KCNK10: variants seen among roughly 807,000 people sequenced by gnomAD.
KCNK10 encodes the protein potassium channel subfamily K member 10.
A neutral mutation model predicts 47.7 loss-of-function variants in KCNK10; 25 were observed. The ratio of observed to expected loss-of-function variants is 0.52; its 90% CI spans 0.38 to 0.73. The LOEUF is 0.73. KCNK10 is among the 30% of genes least tolerant of loss of function. The probability of loss-of-function intolerance (pLI) is 0.00; values close to 1 mark genes in which losing one functional copy is unlikely to be tolerated. For missense variants in KCNK10, 563 were observed against 714.5 expected (o/e 0.79, Z 2.42); for synonymous variants, 303 against 285.6 (o/e 1.06, Z -0.61).
At chr14:88,326,190 C>CCCCCG (rs79450402), upstream of KCNK10, among the ~76,000 whole-genome samples, 75 of 134,220 alleles carry the variant, frequency 5.6e-4, no homozygotes, top group East Asian at 4.8e-3. Flanking sequence ...CGCCCCCCCC[C>CCCCCG]AAAAAAAAAT....
intron 1 of KCNK10, among the ~76,000 whole-genome samples, chr14:88,279,054 G>A (rs892345154): frequency 6.6e-6 from 1 of 152,168 alleles, no homozygotes; most frequent in Non-Finnish European, 1.5e-5. Context: ...AACCTCCCAT[G>A]AGGCCCATTT....
At position 88,184,770 on chromosome 14, in the gene KCNK10, T is replaced by A. The variant is rs764445359; in HGVS notation, c.*765A>T. On this transcript the variant is annotated 3_prime_UTR_variant, in exon 7 of 7. Transcript: ENST00000319231. The stretch of plus-strand genomic sequence containing the variant: ...GATTGGCCTTTAACCACGCAGCAGT[T>A]GATGTCATGTTTTCACCACTGCTCG... 6.6e-6 allele frequency: 1 copy of A among 152,344 alleles called. No homozygotes were observed. Among genetic ancestry groups the A allele is most frequent in the Non-Finnish European group, 1.5e-5 (1 of 68,046 alleles). The allele number at this position is 152,344 out of a possible 1,614,324, so 9.4% of individuals were successfully genotyped here.
At chr14:88,232,875 C>T (rs1184308495) in intron 3 of KCNK10, among the ~76,000 whole-genome samples, 1 of 152,200 alleles carries the variant, frequency 6.6e-6, no homozygotes, top group Non-Finnish European at 1.5e-5. Flanking sequence ...AGTGTCCTGC[C>T]TCCCACCACA....
chr14:88,230,487 T>G (rs1234010692), intron 3 of KCNK10, among the ~76,000 whole-genome samples: 1 of 152,184 alleles, frequency 6.6e-6, no homozygotes, highest in Non-Finnish European at 1.5e-5. Flanking sequence ...GCCTGAGGAG[T>G]GCACACAAAG....
At chr14:88,209,501 G>A (rs983203176) in intron 4 of KCNK10, among the ~76,000 whole-genome samples, 10 of 152,250 alleles carry the variant, frequency 6.6e-5, no homozygotes, top group South Asian at 2.1e-4. Flanking sequence ...AGGAGCCGAC[G>A]AACCTGCCGT....
intron 1 of KCNK10, among the ~76,000 whole-genome samples, chr14:88,271,653 C>G (rs1211047304): frequency 2.0e-5 from 3 of 152,152 alleles, no homozygotes; most frequent in African/African-American, 4.8e-5. Flanking sequence ...ATGAGTCACA[C>G]TTGGTGAGTC....
chr14:88,239,001 TGGCACC>T (rs1335256042), intron 3 of KCNK10, among the ~76,000 whole-genome samples: 1 of 152,110 alleles, frequency 6.6e-6, no homozygotes, highest in Non-Finnish European at 1.5e-5. Context: ...GCATGGTTGG[TGGCACC>T]CCAAAACAAT....
At chr14:88,304,697 A>G (rs755063383) in intron 1 of KCNK10, among the ~76,000 whole-genome samples, 1 of 152,192 alleles carries the variant, frequency 6.6e-6, no homozygotes, top group Admixed American at 6.5e-5. Context: ...ATCACCCCCA[A>G]GTGCAATGCT....
chr14:88,304,346 T>C (rs191279069), intron 1 of KCNK10, among the ~76,000 whole-genome samples: 2 of 152,234 alleles, frequency 1.3e-5, no homozygotes, highest in East Asian at 3.9e-4. Flanking sequence ...ATAAAAATAC[T>C]GAATTGAAGT....
At chr14:88,242,907 A>G (rs1886523035) in intron 2 of KCNK10, among the ~76,000 whole-genome samples, 1 of 152,216 alleles carries the variant, frequency 6.6e-6, no homozygotes. Flanking sequence ...AAATCATACC[A>G]TCAGTACCTA....
At chr14:88,196,241 G>C (rs945581868) in intron 4 of KCNK10, among the ~76,000 whole-genome samples, 6 of 152,188 alleles carry the variant, frequency 3.9e-5, no homozygotes, top group African/African-American at 1.4e-4. Context: ...AGTTCATTTA[G>C]TTGTTAAAAT....
At chr14:88,323,355 A>C, upstream of KCNK10, 1 of 933,404 alleles carries the variant, frequency 1.1e-6, no homozygotes, top group Non-Finnish European at 1.3e-6. Context: ...GACGCCCCCC[A>C]CTTCCCGCTC....
At chr14:88,223,757 T>C (rs1021597815) in intron 4 of KCNK10, among the ~76,000 whole-genome samples, 1 of 152,252 alleles carries the variant, frequency 6.6e-6, no homozygotes, top group Non-Finnish European at 1.5e-5. Context: ...AGTATCCTTC[T>C]GCATTGAGTA....
chr14:88,225,179 A>C (rs77566807), intron 4 of KCNK10, among the ~76,000 whole-genome samples: 9,082 of 152,314 alleles, frequency 0.06, 554 homozygotes, highest in East Asian at 0.24. Context: ...CCAAAACTTT[A>C]CATGCAGCAA....
chr14:88,260,592 G>A lies in KCNK10; in HGVS notation c.402+2610C>T, dbSNP rs1475582386. The stretch of plus-strand genomic sequence containing the variant: ...GAGAGTGTACAGTCAGTCCAACCTT[G>A]CGCTGACTACCAGCTCTACCACTTT... On this transcript the variant is annotated intron_variant, in intron 2 of 6. Transcript: ENST00000319231. The surrounding 1 kb of genome is among the most constrained non-coding windows in gnomAD (Gnocchi z 4.5). Among the ~76,000 whole-genome samples, 2 of 152,154 alleles carry A rather than the reference G, an allele frequency of 1.3e-5. No homozygotes were observed. Among genetic ancestry groups the A allele is most frequent in the African/African-American group, 2.4e-5 (1 of 41,446 alleles).
In KCNK10 at chr14:88,185,260, C is replaced by A. The variant is rs1884503429; in HGVS notation, c.*275G>T. 1 of 414,594 alleles carries A rather than the reference C, an allele frequency of 2.4e-6. No homozygotes were observed. Among genetic ancestry groups the A allele is most frequent in the East Asian group, 5.2e-5 (1 of 19,086 alleles). 25.7% of individuals were successfully genotyped at this position (414,594 alleles called of 1,614,324 possible). A position where few individuals can be genotyped will look rare whatever the true frequency, so the allele number is the denominator to read the frequency against. On this transcript the variant is annotated 3_prime_UTR_variant, in exon 7 of 7. Coordinates refer to ENST00000319231, the MANE Select transcript of KCNK10 (RefSeq NM_138317.3). The surrounding 1 kb of genome is among the most constrained non-coding windows in gnomAD (Gnocchi z 4.3). ...AGCACTGCCCAGGGGTACAGCACTGCCACTGAAATGCCCTTAACATGTACG... is the reference window on the plus strand; with the variant it reads ...AGCACTGCCCAGGGGTACAGCACTGACACTGAAATGCCCTTAACATGTACG...
intron 4 of KCNK10, among the ~76,000 whole-genome samples, chr14:88,192,861 C>T (rs982529730): frequency 2.0e-5 from 3 of 152,254 alleles, no homozygotes; most frequent in Admixed American, 2.0e-4. Flanking sequence ...GCACCGTTTC[C>T]CTTGTGTCAA....
chr14:88,255,156 T>C (rs938379405), intron 2 of KCNK10, among the ~76,000 whole-genome samples: 1 of 152,210 alleles, frequency 6.6e-6, no homozygotes, highest in South Asian at 2.1e-4. Context: ...TGAATCATGT[T>C]TCCTTCTCCC....
intron 3 of KCNK10, among the ~76,000 whole-genome samples, chr14:88,233,516 T>C (rs1886211502): frequency 6.6e-6 from 1 of 152,120 alleles, no homozygotes. Flanking sequence ...GGACAAAGCA[T>C]GGGGAAGGGA....
Sources: gnomAD v4.1 joint callset for allele counts (sites outside exome capture counted in the v4.1 genomes callset) on GRCh38, gnomAD v4.1.1 for gene constraint, Gnocchi (gnomAD v3.1) non-coding constraint, MANE v1.5 for transcripts, NCBI Gene and HGNC (gene_info 2026-07-23, HGNC 2026-07-21) for gene names.